L3MBTL4: variants seen among roughly 807,000 people sequenced by gnomAD.
L3MBTL4 encodes the protein lethal(3)malignant brain tumor-like protein 4.
L3MBTL4 carries 70 observed loss-of-function variants against 84.5 expected under a neutral mutation model. That is an observed-to-expected ratio of 0.83 (90% CI 0.68 to 1.01). The LOEUF (loss-of-function observed/expected upper bound fraction) is 1.01, where lower values mean the gene tolerates loss of function less well. L3MBTL4 is among the 50% of genes least tolerant of loss of function. L3MBTL4 has a pLI of 0.00. For synonymous variants in L3MBTL4, 274 were observed against 259.8 expected, an observed-to-expected ratio of 1.05 and a Z score of -0.52; for missense variants, 715 against 754.8, an observed-to-expected ratio of 0.95 and a Z score of 0.62.
chr18:6,115,335 C>T (rs2059325114), intron 14 of L3MBTL4, among the ~76,000 whole-genome samples: 1 of 152,120 alleles, frequency 6.6e-6, no homozygotes, highest in African/African-American at 2.4e-5. Flanking sequence ...AACTAAAGCA[C>T]AGGTGAATAT....
At chr18:6,086,459 A>G (rs1244002102) in intron 15 of L3MBTL4, among the ~76,000 whole-genome samples, 1 of 152,154 alleles carries the variant, frequency 6.6e-6, no homozygotes, top group African/African-American at 2.4e-5. Context: ...TTATTTCATA[A>G]CGTTTCAGCA....
chr18:6,396,687 A>C (rs1436089009), intron 1 of L3MBTL4: 1 of 152,248 alleles, frequency 6.6e-6, no homozygotes, highest in South Asian at 2.1e-4. Context: ...GGGAATAAGC[A>C]CATGTTACTA....
At chr18:6,052,403 T>G (rs138843263) in intron 16 of L3MBTL4, among the ~76,000 whole-genome samples, 1 of 152,224 alleles carries the variant, frequency 6.6e-6, no homozygotes, top group South Asian at 2.1e-4. Context: ...ATCAAATTAA[T>G]TACACATTTT....
chr18:6,087,039 T>C (rs1598702610), intron 15 of L3MBTL4, among the ~76,000 whole-genome samples: 1 of 152,348 alleles, frequency 6.6e-6, no homozygotes, highest in East Asian at 1.9e-4. Flanking sequence ...GTTTGGGTGA[T>C]TTTCTTATCA....
intron 16 of L3MBTL4, among the ~76,000 whole-genome samples, chr18:6,006,842 G>C (rs146872428): frequency 6.6e-6 from 1 of 152,320 alleles, no homozygotes; most frequent in East Asian, 1.9e-4. Context: ...TCTCAAGTTA[G>C]TAAGGAAATG....
At chr18:6,265,036 A>T (rs2048569822) in intron 4 of L3MBTL4, among the ~76,000 whole-genome samples, 1 of 152,244 alleles carries the variant, frequency 6.6e-6, no homozygotes, top group African/African-American at 2.4e-5. Flanking sequence ...GCAGAGAAGG[A>T]CTATGTAATG....
intron 16 of L3MBTL4, among the ~76,000 whole-genome samples, chr18:5,971,810 G>A (rs1018147512): frequency 6.6e-6 from 1 of 152,150 alleles, no homozygotes; most frequent in Non-Finnish European, 1.5e-5. Flanking sequence ...TCTCAGGGCT[G>A]GTTCTGGGCT....
intron 1 of L3MBTL4, among the ~76,000 whole-genome samples, chr18:6,314,532 T>C (rs1368964933): frequency 6.6e-6 from 1 of 152,166 alleles, no homozygotes; most frequent in Non-Finnish European, 1.5e-5. Context: ...CTAAATAGTG[T>C]TTTAGATTTA....
intron 1 of L3MBTL4, among the ~76,000 whole-genome samples, chr18:6,357,502 T>C (rs2053499004): frequency 6.6e-6 from 1 of 152,190 alleles, no homozygotes; most frequent in Non-Finnish European, 1.5e-5. Context: ...TCTAATTCTA[T>C]GTAGTAAATG....
chr18:6,399,440 A>G (rs1451894116), intron 1 of L3MBTL4, among the ~76,000 whole-genome samples: 1 of 151,420 alleles, frequency 6.6e-6, no homozygotes, highest in Non-Finnish European at 1.5e-5. Context: ...CATCACAAAA[A>G]AAAGAAAAAA....
intron 13 of L3MBTL4, among the ~76,000 whole-genome samples, chr18:6,142,965 GAA>G (rs1475663191): frequency 2.0e-5 from 3 of 151,920 alleles, no homozygotes; most frequent in Non-Finnish European, 4.4e-5. Flanking sequence ...TACCAGAAAA[GAA>G]ACATATAGTA....
At chr18:6,002,566 A>G (rs1003808653) in intron 16 of L3MBTL4, among the ~76,000 whole-genome samples, 3 of 152,114 alleles carry the variant, frequency 2.0e-5, no homozygotes, top group Admixed American at 2.0e-4. Context: ...ATGGAGCTAT[A>G]TAGGAGCGGA....
chr18:6,243,409 T>C lies in L3MBTL4; in HGVS notation c.345A>G (p.Arg115=). ...AACTTAAATAACCATCAAAATGAAG[T>C]CTTAGACGGTAACCACAAACCTGCA... is the stretch of plus-strand genomic sequence containing the variant. The part of the protein sequence containing the change: ...SVAEVCGYRL[R]LHFDGYLSCY... The change falls in exon 7 of 19, where the codon AGA becomes AGG. Residue 115 remains arginine, a synonymous_variant. Coordinates refer to ENST00000317931, the MANE Select transcript of L3MBTL4 (RefSeq NM_001330559.2). The C allele has an allele frequency of 6.2e-7, 1 of 1,604,624 alleles. No individual in the cohort carries two copies. The highest frequency in any genetic ancestry group is 8.5e-7 in the Non-Finnish European group (1 of 1,176,140).
intron 4 of L3MBTL4, among the ~76,000 whole-genome samples, chr18:6,285,640 A>C (rs1005764797): frequency 1.3e-4 from 20 of 151,906 alleles, no homozygotes; most frequent in African/African-American, 4.8e-4. Context: ...ATTCCCTGCA[A>C]GCCCTGCTGC....
intron 16 of L3MBTL4, among the ~76,000 whole-genome samples, chr18:6,065,556 AT>A (rs1203280480): frequency 2.0e-5 from 3 of 150,886 alleles, no homozygotes; most frequent in Non-Finnish European, 4.4e-5. Context: ...CAGGGCTTCT[AT>A]TTCTTCCTGA....
chr18:5,961,404 G>C (rs1465877959), intron 17 of L3MBTL4, among the ~76,000 whole-genome samples: 1 of 152,222 alleles, frequency 6.6e-6, no homozygotes, highest in Non-Finnish European at 1.5e-5. Context: ...GCCCCCTCCT[G>C]AGCTCTGTCC....
At chr18:6,008,918 A>G (rs1394371430) in intron 16 of L3MBTL4, among the ~76,000 whole-genome samples, 1 of 152,170 alleles carries the variant, frequency 6.6e-6, no homozygotes, top group African/African-American at 2.4e-5. Context: ...TCCTACTTCA[A>G]TAGACCTCCT....
intron 16 of L3MBTL4, among the ~76,000 whole-genome samples, chr18:5,985,992 G>A (rs1386415302): frequency 6.6e-6 from 1 of 152,164 alleles, no homozygotes; most frequent in Non-Finnish European, 1.5e-5. Context: ...CAGCAACCAG[G>A]GGTGCTGAGC....
chr18:6,318,120 A>T lies in L3MBTL4; in HGVS notation c.-90-6064T>A, dbSNP rs533927806. Among the ~76,000 whole-genome samples the T allele has an allele frequency of 4.1e-4, 63 of 152,272 alleles. No homozygotes were observed. In the East Asian group the frequency reaches 0.011, roughly 26 times the overall value. On this transcript the variant is annotated intron_variant, in intron 1 of 18. Coordinates refer to ENST00000317931, the MANE Select transcript of L3MBTL4 (RefSeq NM_001330559.2). ...GTTAAAAGGAGTTATAAATCTTCAA[A>T]CAGAAGCTCAGTATGCACTAGAATA... is the stretch of plus-strand genomic sequence containing the variant.
Sources: allele counts gnomAD v4.1 joint callset (sites outside exome capture counted in the v4.1 genomes callset), GRCh38; gene constraint gnomAD v4.1.1; transcripts MANE v1.5; gene names NCBI Gene and HGNC (gene_info 2026-07-23, HGNC 2026-07-21).